Variants in ARSJ observed in about 807,000 individuals in gnomAD.
The protein encoded by ARSJ is arylsulfatase J.
Under a neutral mutation model 35.9 loss-of-function variants are expected in ARSJ, and 26 were observed. The observed-to-expected ratio is 0.72, with a 90% CI of 0.53 to 1.00. The LOEUF (loss-of-function observed/expected upper bound fraction) is 1.00, where lower values mean the gene tolerates loss of function less well. Among genes scored for constraint, ARSJ ranks in the 50% least tolerant of loss-of-function variants. ARSJ has a pLI of 0.00. For missense variants in ARSJ, 667 were observed against 723.6 expected (o/e 0.92, Z 0.90); for synonymous variants, 294 against 267.6 (o/e 1.10, Z -0.96).
chr4:113,950,412 A>G (rs1372723921), intron 1 of ARSJ, among the ~76,000 whole-genome samples: 1 of 152,086 alleles, frequency 6.6e-6, no homozygotes, highest in East Asian at 1.9e-4. Flanking sequence ...CCCCATCCAG[A>G]TGAGCCCTGG....
Position 113,934,228 on chromosome 4 carries a change from T to C in ARSJ, c.399-30553A>G, listed in dbSNP as rs1475197536. ...AAAACAACTAAAAATAGAGCTACCA[T>C]GTAATACAGCAAATTCCACTGCTGG... On this transcript the variant is annotated intron_variant, in intron 1 of 1. Transcript: ENST00000315366. 3.3e-5 allele frequency among the ~76,000 whole-genome samples: 5 copies of C among 151,812 alleles called. No individual in the cohort carries two copies. The East Asian group carries it at 9.7e-4, about 29-fold the overall frequency.
At chr4:113,951,865 T>C (rs1332335632) in intron 1 of ARSJ, among the ~76,000 whole-genome samples, 1 of 152,100 alleles carries the variant, frequency 6.6e-6, no homozygotes, top group Non-Finnish European at 1.5e-5. Flanking sequence ...TAAATTGTTA[T>C]TGAATAACTG....
intron 1 of ARSJ, among the ~76,000 whole-genome samples, chr4:113,966,743 G>T (rs1208432708): frequency 6.6e-6 from 1 of 152,132 alleles, no homozygotes; most frequent in East Asian, 1.9e-4. Flanking sequence ...TCAAACATTG[G>T]TTGCCACCCA....
intron 1 of ARSJ, among the ~76,000 whole-genome samples, chr4:113,952,016 T>C (rs1345122705): frequency 6.6e-6 from 1 of 152,092 alleles, no homozygotes; most frequent in Non-Finnish European, 1.5e-5. Context: ...ACATAGCATA[T>C]GTATAACCTC....
At chr4:113,941,813 A>G (rs7678418) in intron 1 of ARSJ, among the ~76,000 whole-genome samples, 3 of 151,852 alleles carry the variant, frequency 2.0e-5, no homozygotes, top group Non-Finnish European at 4.4e-5. Flanking sequence ...AACAAGAATG[A>G]TTAAAAATCT....
At chr4:113,950,753 G>A (rs1273788110) in intron 1 of ARSJ, among the ~76,000 whole-genome samples, 2 of 151,956 alleles carry the variant, frequency 1.3e-5, no homozygotes, top group African/African-American at 2.4e-5. Flanking sequence ...TATTTTTATA[G>A]CTATTAAGTC....
chr4:113,903,084 GCCA>G lies in ARSJ; in HGVS notation c.987_989del (p.Gly330del). The G allele has an allele frequency of 6.2e-7, 1 of 1,614,172 alleles. No homozygotes were observed. Among genetic ancestry groups the G allele is most frequent in the Non-Finnish European group, 8.5e-7 (1 of 1,180,026 alleles). On this transcript the variant is annotated inframe_deletion, in exon 2 of 2. Transcript: ENST00000315366. Reference sequence around the variant, plus strand: ...AGTTACTCCCTCCTGCCGTAGGCTGGCCACCATTATCTGAAGAGTAAATGATAA... The same window carrying G: ...AGTTACTCCCTCCTGCCGTAGGCTGGCCATTATCTGAAGAGTAAATGATAA...
chr4:113,978,982 T>C lies in ARSJ; in HGVS notation c.-148A>G. On this transcript the variant is annotated 5_prime_UTR_variant, in exon 1 of 2. It removes the in-frame stop codon of an upstream open reading frame in the 5' UTR. Coordinates refer to ENST00000315366, the MANE Select transcript of ARSJ (RefSeq NM_024590.4). Reference sequence around the variant, plus strand: ...CAGCTGTCACCATGTCCGACAACTTTAATCTTCCAGAAGTGATGGCTTAAT... The same window carrying C: ...CAGCTGTCACCATGTCCGACAACTTCAATCTTCCAGAAGTGATGGCTTAAT... The C allele has an allele frequency of 2.5e-6, 2 of 805,280 alleles. No homozygotes were observed. Among genetic ancestry groups the C allele is most frequent in the Non-Finnish European group, 3.8e-6 (2 of 522,674 alleles). 49.9% of individuals were successfully genotyped at this position (805,280 alleles called of 1,614,324 possible). A position where few individuals can be genotyped will look rare whatever the true frequency, so the allele number is the denominator to read the frequency against.
rs1418485110 is a variant in ARSJ, at chr4:113,903,578, C to T, written c.496G>A (p.Glu166Lys). 3 of 1,614,058 alleles carry T rather than the reference C, an allele frequency of 1.9e-6. No homozygotes were observed. Among genetic ancestry groups the T allele is most frequent in the Non-Finnish European group, 2.5e-6 (3 of 1,180,028 alleles). Residue 166 changes from glutamate to lysine, a missense_variant, in exon 2 of 2, where the codon GAG (glutamate) becomes AAG (lysine). Coordinates refer to ENST00000315366, the MANE Select transcript of ARSJ (RefSeq NM_024590.4). ...ACCATATGCGTTGAATATCCAACCT[C>T]CTTCAGTTTCTGAGGTAGGGTGGCA... ...DNATLPQKLK[E>K]VGYSTHMVGK...
At chr4:113,923,722 G>C (rs1332776692) in intron 1 of ARSJ, among the ~76,000 whole-genome samples, 2 of 151,762 alleles carry the variant, frequency 1.3e-5, no homozygotes, top group African/African-American at 4.8e-5. Flanking sequence ...TGAAAATTCA[G>C]TTTCTTAGTT....
chr4:113,953,502 G>A (rs1485678253), intron 1 of ARSJ, among the ~76,000 whole-genome samples: 2 of 151,950 alleles, frequency 1.3e-5, no homozygotes, highest in South Asian at 2.1e-4. Flanking sequence ...TATATGTAAT[G>A]GATACAAACT....
intron 1 of ARSJ, among the ~76,000 whole-genome samples, chr4:113,972,420 G>C (rs1466628566): frequency 2.7e-5 from 4 of 149,160 alleles, no homozygotes; most frequent in Non-Finnish European, 5.9e-5. Context: ...ATATGTCTAT[G>C]TCCCTCCTCT....
chr4:113,908,947 T>C (rs948798600), intron 1 of ARSJ, among the ~76,000 whole-genome samples: 1 of 152,040 alleles, frequency 6.6e-6, no homozygotes, highest in Non-Finnish European at 1.5e-5. Flanking sequence ...TAGAAAAGAA[T>C]TTTTCTAAAC....
intron 1 of ARSJ, among the ~76,000 whole-genome samples, chr4:113,949,661 C>T (rs991135634): frequency 4.6e-5 from 7 of 152,096 alleles, no homozygotes; most frequent in Non-Finnish European, 7.4e-5. Flanking sequence ...AGTGTTATTG[C>T]GGATTTAGTC....
chr4:113,963,474 A>T (rs535243348), intron 1 of ARSJ, among the ~76,000 whole-genome samples: 1 of 152,112 alleles, frequency 6.6e-6, no homozygotes, highest in Non-Finnish European at 1.5e-5. Flanking sequence ...AAACCAGCAG[A>T]TCTTGTGAGA....
At chr4:113,961,214 C>A (rs1271524186) in intron 1 of ARSJ, among the ~76,000 whole-genome samples, 2 of 151,964 alleles carry the variant, frequency 1.3e-5, no homozygotes, top group African/African-American at 4.8e-5. Flanking sequence ...AACAACATAA[C>A]CTGGGTTGCC....
intron 1 of ARSJ, among the ~76,000 whole-genome samples, chr4:113,968,965 C>T (rs890920925): frequency 6.6e-6 from 1 of 152,060 alleles, no homozygotes; most frequent in Non-Finnish European, 1.5e-5. Flanking sequence ...CTATTATGTA[C>T]CTTCTAAGTT....
At chr4:113,949,377 A>G (rs1275802297) in intron 1 of ARSJ, among the ~76,000 whole-genome samples, 1 of 152,094 alleles carries the variant, frequency 6.6e-6, no homozygotes, top group East Asian at 1.9e-4. Flanking sequence ...AATATGCTAC[A>G]TCTTCCCTAG....
At chr4:113,940,307 C>T (rs1193704266) in intron 1 of ARSJ, among the ~76,000 whole-genome samples, 1 of 152,060 alleles carries the variant, frequency 6.6e-6, no homozygotes, top group East Asian at 1.9e-4. Flanking sequence ...TACTATGCAG[C>T]CTTAAAAAGG....
Sources: allele counts gnomAD v4.1 joint callset (sites outside exome capture counted in the v4.1 genomes callset), GRCh38; gene constraint gnomAD v4.1.1; transcripts MANE v1.5; gene names NCBI Gene and HGNC (gene_info 2026-07-23, HGNC 2026-07-21).